Variants in NTMT2 observed in about 807,000 individuals in gnomAD.
The protein encoded by NTMT2 is X-Pro-Lys N-terminal protein methyltransferase 1B.
NTMT2 carries 21 observed loss-of-function variants against 23.4 expected under a neutral mutation model. That is an observed-to-expected ratio of 0.90 (90% confidence interval 0.64 to 1.29). The LOEUF is 1.29. NTMT2 is among the 50% of genes most tolerant of loss of function. The pLI is 0.00. For missense variants in NTMT2, 336 were observed against 352.0 expected, an observed-to-expected ratio of 0.95 and a Z score of 0.36; for synonymous variants, 131 against 127.7, an observed-to-expected ratio of 1.03 and a Z score of -0.17.
chr1:170,167,768 G>T lies in NTMT2; in HGVS notation c.*11G>T. ...GACAGACACTCCTGAAAAAGCAGTG[G>T]GAATGAACGACTGGACTGGGCAGTG... On this transcript the variant is annotated 3_prime_UTR_variant, in exon 4 of 4. Coordinates refer to ENST00000439373, the MANE Select transcript of NTMT2 (RefSeq NM_001136107.2). 1.3e-6 allele frequency: 2 copies of T among 1,543,056 alleles called. No individual in the cohort carries two copies. Among genetic ancestry groups the T allele is most frequent in the Non-Finnish European group, 1.8e-6 (2 of 1,142,164 alleles).
intron 2 of NTMT2, among the ~76,000 whole-genome samples, chr1:170,166,145 T>C (rs796652041): frequency 0.024 from 3,126 of 127,606 alleles, 71 homozygotes; most frequent in African/African-American, 0.084. Flanking sequence ...TTTTTCTTTT[T>C]TTTTTTTTTT....
At chr1:170,164,396 T>A (rs1235533704) in intron 2 of NTMT2, among the ~76,000 whole-genome samples, 1 of 152,204 alleles carries the variant, frequency 6.6e-6, no homozygotes, top group East Asian at 1.9e-4. Context: ...GCATACACAT[T>A]TTAGTAGTCA....
At chr1:170,166,125 CTTTTTTTTTTTTTTCT>C (rs1673375191) in intron 2 of NTMT2, among the ~76,000 whole-genome samples, 1 of 112,568 alleles carries the variant, frequency 8.9e-6, no homozygotes, top group African/African-American at 3.4e-5. Context: ...AATTTTCTTT[CTTTTTTTTTTTTTTCT>C]TTTTTTTTTT....
rs1673260987 is a variant in NTMT2, at chr1:170,160,780, G to A, written c.330+87G>A. The A allele has an allele frequency of 2.5e-6, 3 of 1,213,660 alleles. 1 individual carries two copies. In the South Asian group the frequency reaches 5.8e-5, roughly 23 times the overall value. 75.2% of individuals were successfully genotyped at this position (1,213,660 alleles called of 1,614,324 possible). On this transcript the variant is annotated intron_variant, in intron 2 of 3. Coordinates refer to ENST00000439373, the MANE Select transcript of NTMT2 (RefSeq NM_001136107.2). ...GCCTCTGTGTTGTTATTTAAGTCAC[G>A]ACTAAGCCATATGACCCAGCCAAGA...
At chr1:170,146,369 A>G (rs1672965194) in intron 1 of NTMT2, 108 bp downstream of exon 1, 14 of 1,067,778 alleles carry the variant, frequency 1.3e-5, no homozygotes, top group Admixed American at 8.5e-5. Context: ...TTTTCAGACA[A>G]AAAAAACTCC....
At chr1:170,151,802 T>G (rs1416062114) in intron 1 of NTMT2, among the ~76,000 whole-genome samples, 1 of 152,202 alleles carries the variant, frequency 6.6e-6, no homozygotes, top group African/African-American at 2.4e-5. Context: ...TTGGGAAATT[T>G]AGTTAATCTC....
At chr1:170,160,746 A>G in intron 2 of NTMT2, 53 bp downstream of exon 2, 1 of 1,419,176 alleles carries the variant, frequency 7.0e-7, no homozygotes. Flanking sequence ...GCAAACATTG[A>G]GCTCGCATGC....
intron 1 of NTMT2, among the ~76,000 whole-genome samples, chr1:170,152,426 G>A (rs890883223): frequency 1.3e-5 from 2 of 152,166 alleles, no homozygotes; most frequent in African/African-American, 4.8e-5. Flanking sequence ...CGAGTAGGTA[G>A]GGGATAGATC....
At chr1:170,146,930 G>A (rs1672975490) in intron 1 of NTMT2, among the ~76,000 whole-genome samples, 1 of 152,192 alleles carries the variant, frequency 6.6e-6, no homozygotes, top group East Asian at 1.9e-4. Context: ...CTCTGTGAAA[G>A]CAGTTACTTC....
intron 1 of NTMT2, among the ~76,000 whole-genome samples, chr1:170,159,366 TGCACTTGCCCTCTTACCTGGTTGTTCTC>T (rs1673223025): frequency 1.3e-5 from 2 of 150,090 alleles, no homozygotes; most frequent in Non-Finnish European, 3.0e-5. Flanking sequence ...TTTAGGAGGG[TGCACTTGCCCTCTTACCTGGTTGTTCTC>T]TGGACAGAGT....
At position 170,167,719 on chromosome 1, in the gene NTMT2, G is replaced by T. The variant is rs149937199; in HGVS notation, c.814G>T (p.Val272Leu). 4 of 1,551,136 alleles carry T rather than the reference G, an allele frequency of 2.6e-6. No homozygotes were observed. Among genetic ancestry groups the T allele is most frequent in the African/African-American group, 1.4e-5 (1 of 72,906 alleles). The change falls in exon 4 of 4, where the codon GTG becomes TTG. Residue 272 changes from valine to leucine, a missense_variant. Transcript: ENST00000439373. Reference sequence around the variant, plus strand: ...TGGCTTCCCAGAGCAGTGCATCCCCGTGTGGATGTTCGCACTGCACAGCGA... The same window carrying T: ...TGGCTTCCCAGAGCAGTGCATCCCCTTGTGGATGTTCGCACTGCACAGCGA... ...QDGFPEQCIP[V>L]WMFALHSDRH...
Position 170,167,808 on chromosome 1 carries a change from G to C in NTMT2, c.*51G>C. The C allele has an allele frequency of 6.7e-7, 1 of 1,496,926 alleles. No homozygotes were observed. The highest frequency in any genetic ancestry group is 8.9e-7 in the Non-Finnish European group (1 of 1,117,812). The allele number at this position is 1,496,926 out of a possible 1,614,324, so 92.7% of individuals were successfully genotyped here. On this transcript the variant is annotated 3_prime_UTR_variant, in exon 4 of 4. Transcript: ENST00000439373. The stretch of plus-strand genomic sequence containing the variant: ...ACTGGGCAGTGGTGCTTTGGGATGG[G>C]GTTGCTATCCTTCCAGGTGCCCCTT...
chr1:170,158,737 T>C (rs1673211107), intron 1 of NTMT2, among the ~76,000 whole-genome samples: 3 of 152,018 alleles, frequency 2.0e-5, no homozygotes, highest in Admixed American at 2.0e-4. Flanking sequence ...CTTATTTCTG[T>C]TTTGCATATC....
At chr1:170,158,143 G>A (rs1222521712) in intron 1 of NTMT2, 1 of 151,990 alleles carries the variant, frequency 6.6e-6, no homozygotes, top group Non-Finnish European at 1.5e-5. Flanking sequence ...TAATTTGACT[G>A]GATATGAAGT....
chr1:170,152,550 C>T (rs950969570), intron 1 of NTMT2, among the ~76,000 whole-genome samples: 8 of 152,098 alleles, frequency 5.3e-5, no homozygotes, highest in Admixed American at 1.3e-4. Context: ...GAATAGGCAG[C>T]GCCCTATTTT....
chr1:170,148,142 C>CTTTTTTT lies in NTMT2; in HGVS notation c.154+1899_154+1905dup, dbSNP rs371620511. 2.3e-3 allele frequency among the ~76,000 whole-genome samples: 175 copies of CTTTTTTT among 74,550 alleles called. 4 individuals carry two copies. The highest frequency in any genetic ancestry group is 0.018 in the Middle Eastern group (1 of 56). The allele number at this position is 74,550 out of a possible 152,430, so 48.9% of individuals were successfully genotyped here. On this transcript the variant is annotated intron_variant, in intron 1 of 3. Coordinates refer to ENST00000439373, the MANE Select transcript of NTMT2 (RefSeq NM_001136107.2). The stretch of plus-strand genomic sequence containing the variant: ...CTTACCACTGTCTCCTGAGGCACTC[C>CTTTTTTT]TTTTTTTTTTTTTTTTTTTTTTTTG...
chr1:170,155,825 CTTG>C (rs995765949), intron 1 of NTMT2, among the ~76,000 whole-genome samples: 1 of 152,010 alleles, frequency 6.6e-6, no homozygotes, highest in Non-Finnish European at 1.5e-5. Flanking sequence ...ATTGTCTCGA[CTTG>C]TTGTCCCTGT....
rs2102244900 is a variant in NTMT2, at chr1:170,167,808, G to T, written c.*51G>T. On this transcript the variant is annotated 3_prime_UTR_variant, in exon 4 of 4. Transcript: ENST00000439373. ...ACTGGGCAGTGGTGCTTTGGGATGG[G>T]GTTGCTATCCTTCCAGGTGCCCCTT... 1.3e-6 allele frequency: 2 copies of T among 1,496,926 alleles called. No homozygotes were observed. The highest frequency in any genetic ancestry group is 4.7e-4 in the Middle Eastern group (2 of 4,264). 92.7% of individuals were successfully genotyped at this position (1,496,926 alleles called of 1,614,324 possible).
At chr1:170,151,135 G>A (rs1557904872) in intron 1 of NTMT2, among the ~76,000 whole-genome samples, 1 of 152,044 alleles carries the variant, frequency 6.6e-6, no homozygotes, top group Non-Finnish European at 1.5e-5. Context: ...ATTTGAATAG[G>A]CATGTGCTAG....
Sources: allele counts gnomAD v4.1 joint callset (sites outside exome capture counted in the v4.1 genomes callset), GRCh38; gene constraint gnomAD v4.1.1; transcripts MANE v1.5; gene names NCBI Gene and HGNC (gene_info 2026-07-23, HGNC 2026-07-21).